Variants in RUNX2 observed in about 807,000 individuals in gnomAD.
The protein encoded by RUNX2 is runt-related transcription factor 2.
A neutral mutation model predicts 51.7 loss-of-function variants in RUNX2; 10 were observed. The ratio of observed to expected loss-of-function variants is 0.19; its 90% CI spans 0.12 to 0.33. The LOEUF (loss-of-function observed/expected upper bound fraction) is 0.33, where lower values mean the gene tolerates loss of function less well. RUNX2 is among the 10% of genes least tolerant of loss of function. The pLI is 1.00. For synonymous variants in RUNX2, 276 were observed against 273.6 expected, an observed-to-expected ratio of 1.01 and a Z score of -0.09; for missense variants, 562 against 691.3, an observed-to-expected ratio of 0.81 and a Z score of 2.10.
At position 45,547,625 on chromosome 6, in the gene RUNX2, T is replaced by G; in HGVS notation, c.*320T>G. 1 of 368,312 alleles carries G rather than the reference T, an allele frequency of 2.7e-6. No homozygotes were observed. The highest frequency in any genetic ancestry group is 2.4e-5 in the South Asian group (1 of 42,018). The allele number at this position is 368,312 out of a possible 1,614,324, so 22.8% of individuals were successfully genotyped here. A position where few individuals can be genotyped will look rare whatever the true frequency, so the allele number is the denominator to read the frequency against. On this transcript the variant is annotated 3_prime_UTR_variant, in exon 9 of 9. Transcript: ENST00000647337. ...GTTTGGTCTGTTATCATCAATAACC[T>G]GTTCATATGCCAATTCAGAGAGGTG...
At chr6:45,377,381 C>G (rs1224311351) in intron 2 of RUNX2, 2 of 152,340 alleles carry the variant, frequency 1.3e-5, no homozygotes, top group African/African-American at 4.8e-5. Flanking sequence ...TAACTCTTCT[C>G]TCGCCGTGCC....
chr6:45,340,941 C>A (rs927205635), intron 2 of RUNX2, among the ~76,000 whole-genome samples: 1 of 152,076 alleles, frequency 6.6e-6, no homozygotes, highest in Non-Finnish European at 1.5e-5. Context: ...AAGACCTATA[C>A]CCCTACACAT....
At chr6:45,464,685 A>G (rs1799573283) in intron 5 of RUNX2, among the ~76,000 whole-genome samples, 2 of 152,222 alleles carry the variant, frequency 1.3e-5, no homozygotes, top group South Asian at 4.1e-4. Context: ...CAGAATCTGT[A>G]TATGATTGAG....
At chr6:45,482,761 T>G (rs1040694421) in intron 5 of RUNX2, among the ~76,000 whole-genome samples, 1 of 152,184 alleles carries the variant, frequency 6.6e-6, no homozygotes, top group African/African-American at 2.4e-5. Flanking sequence ...TAATTATGTC[T>G]CTTGAGTAGA....
chr6:45,376,216 C>T (rs1796753506), intron 2 of RUNX2, among the ~76,000 whole-genome samples: 1 of 152,152 alleles, frequency 6.6e-6, no homozygotes, highest in South Asian at 2.1e-4. Context: ...TACTAACAGA[C>T]CCATGGTCTG....
chr6:45,516,927 C>T (rs1801346766), intron 7 of RUNX2, among the ~76,000 whole-genome samples: 1 of 151,894 alleles, frequency 6.6e-6, no homozygotes, highest in Non-Finnish European at 1.5e-5. Flanking sequence ...GAGTATGAGT[C>T]TCCTAGAGAG....
chr6:45,516,132 T>C (rs1563120081), intron 7 of RUNX2, among the ~76,000 whole-genome samples: 1 of 152,324 alleles, frequency 6.6e-6, no homozygotes, highest in African/African-American at 2.4e-5. Flanking sequence ...TCTTGTAGTT[T>C]TCCTCAGACC....
At chr6:45,434,444 CT>C (rs139835282) in intron 4 of RUNX2, among the ~76,000 whole-genome samples, 2,084 of 149,830 alleles carry the variant, frequency 0.014, 47 homozygotes, top group African/African-American at 0.047. Flanking sequence ...AAATATTGCA[CT>C]TTTTTTTTTC....
intron 6 of RUNX2, among the ~76,000 whole-genome samples, chr6:45,497,975 G>A (rs1308138150): frequency 6.6e-6 from 1 of 152,118 alleles, no homozygotes; most frequent in African/African-American, 2.4e-5. Flanking sequence ...GTTCTAATTA[G>A]TTTAACTCAT....
intron 2 of RUNX2, among the ~76,000 whole-genome samples, chr6:45,344,086 A>G (rs1436990320): frequency 1.3e-5 from 2 of 152,200 alleles, no homozygotes; most frequent in African/African-American, 4.8e-5. Context: ...TTGTCAAACT[A>G]AAGAGCAATT....
intron 2 of RUNX2, among the ~76,000 whole-genome samples, chr6:45,360,586 T>C (rs1216250260): frequency 6.6e-6 from 1 of 152,174 alleles, no homozygotes; most frequent in Non-Finnish European, 1.5e-5. Context: ...TCACAGCTCA[T>C]ATCTTCATAA....
chr6:45,467,674 T>C (rs1368485412), intron 5 of RUNX2, among the ~76,000 whole-genome samples: 1 of 152,030 alleles, frequency 6.6e-6, no homozygotes, highest in Non-Finnish European at 1.5e-5. Flanking sequence ...AAGTTCTGAC[T>C]TGGCTTTCCT....
At position 45,379,301 on chromosome 6, in the gene RUNX2, G is replaced by T. The variant is rs142629718; in HGVS notation, c.59-43292G>T. Among the ~76,000 whole-genome samples the T allele has an allele frequency of 7.9e-5, 12 of 152,330 alleles. No individual in the cohort carries two copies. The East Asian group carries it at 2.3e-3, about 29-fold the overall frequency. ...AAGGGAAAGTAACAGAGTGAGTATG[G>T]TGATAACTTCTTACATGGGAAGACT... On this transcript the variant is annotated intron_variant, in intron 2 of 8. Transcript: ENST00000647337.
At chr6:45,471,478 T>A (rs2150393504) in intron 5 of RUNX2, among the ~76,000 whole-genome samples, 1 of 151,088 alleles carries the variant, frequency 6.6e-6, no homozygotes, top group East Asian at 1.9e-4. Flanking sequence ...GGAGTCTCGC[T>A]GTGTCGCCCA....
chr6:45,531,825 C>T (rs959922100), intron 7 of RUNX2, among the ~76,000 whole-genome samples: 6 of 151,776 alleles, frequency 4.0e-5, no homozygotes, highest in East Asian at 1.9e-4. Context: ...AAATTTTGCA[C>T]GATATATTCT....
chr6:45,442,996 G>GGGCT (rs1798884098), intron 5 of RUNX2, among the ~76,000 whole-genome samples: 1 of 149,860 alleles, frequency 6.7e-6, no homozygotes, highest in East Asian at 2.0e-4. Context: ...CGGCAGCTCA[G>GGGCT]GGCTCCCTAA....
At chr6:45,374,372 C>T (rs142274385) in intron 2 of RUNX2, among the ~76,000 whole-genome samples, 5 of 152,232 alleles carry the variant, frequency 3.3e-5, no homozygotes, top group Admixed American at 6.5e-5. Flanking sequence ...CTCTTATGAA[C>T]CTAGAAGCAG....
chr6:45,371,715 T>G lies in RUNX2; in HGVS notation c.58+42931T>G, dbSNP rs184492665. ...AAGTTATCTTGGAGACTGATGACTT[T>G]AAACACTCAGTTAAGAAATTCTTTG... On this transcript the variant is annotated intron_variant, in intron 2 of 8. Coordinates refer to ENST00000647337, the MANE Select transcript of RUNX2 (RefSeq NM_001024630.4). Among the ~76,000 whole-genome samples, 82 of 152,316 alleles carry G rather than the reference T, an allele frequency of 5.4e-4. 1 individual carries two copies. Among genetic ancestry groups the G allele is most frequent in the African/African-American group, 1.9e-3 (81 of 41,572 alleles).
intron 2 of RUNX2, among the ~76,000 whole-genome samples, chr6:45,381,972 T>TAAA (rs1195858214): frequency 2.9e-4 from 44 of 152,338 alleles, no homozygotes; most frequent in African/African-American, 9.9e-4. Context: ...CCTATCATTG[T>TAAA]AGATTTCACA....
Sources: gnomAD v4.1 joint callset for allele counts (sites outside exome capture counted in the v4.1 genomes callset) on GRCh38, gnomAD v4.1.1 for gene constraint, MANE v1.5 for transcripts, NCBI Gene and HGNC (gene_info 2026-07-23, HGNC 2026-07-21) for gene names.